Variants in COPG2 observed in about 807,000 individuals in gnomAD.
COPG2 encodes the protein coatomer subunit gamma-2.
In COPG2, 37 loss-of-function variants were observed where a neutral mutation model predicts 46.3. That is an observed-to-expected ratio of 0.80 (90% CI 0.61 to 1.05). The LOEUF is 1.05. COPG2 is among the 50% of genes least tolerant of loss of function. The pLI, the probability that COPG2 is intolerant of heterozygous loss-of-function variation, is 0.00. For missense variants in COPG2, 427 were observed against 387.8 expected, an observed-to-expected ratio of 1.10 and a Z score of -0.85; for synonymous variants, 159 against 129.7, an observed-to-expected ratio of 1.23 and a Z score of -1.53.
chr7:130,634,963 AT>A (rs1795306380), intron 5 of COPG2, among the ~76,000 whole-genome samples: 1 of 151,238 alleles, frequency 6.6e-6, no homozygotes, highest in Non-Finnish European at 1.5e-5. Flanking sequence ...ATCTATTGAG[AT>A]AATCATGTGG....
rs374515739 is a variant in COPG2, at chr7:130,507,709, G to C, written c.2362C>G (p.Leu788Val). ...DTFEKEETFA[L>V]SSTKTLEEAV... ...CCTTCAAGGGTTTTGGTAGAACTGA[G>C]GGCAAAGGTTTCCTCTTTCTCAAAG... is the stretch of plus-strand genomic sequence containing the variant. The change falls in exon 22 of 24, where the codon CTC becomes GTC. Residue 788 changes from leucine (L) to valine (V), a missense_variant. Physicochemically the swap from Leu to Val is conservative, Grantham distance 32. Coordinates refer to ENST00000425248, the MANE Select transcript of COPG2 (RefSeq NM_012133.6). 17 of 780,282 alleles carry C rather than the reference G, an allele frequency of 2.2e-5. No individual in the cohort carries two copies. The highest frequency in any genetic ancestry group is 3.8e-5 in the Non-Finnish European group (16 of 417,864). 48.3% of individuals were successfully genotyped at this position (780,282 alleles called of 1,614,324 possible).
chr7:130,600,162 A>G (rs569789621), intron 9 of COPG2, among the ~76,000 whole-genome samples: 9 of 152,328 alleles, frequency 5.9e-5, no homozygotes, highest in East Asian at 5.8e-4. Context: ...GCATATTTTG[A>G]AACTATATAT....
chr7:130,635,077 A>G (rs1795309004), intron 5 of COPG2, among the ~76,000 whole-genome samples: 1 of 149,842 alleles, frequency 6.7e-6, no homozygotes, highest in Admixed American at 6.7e-5. Context: ...ATCATACTAG[A>G]TAAGCTTTTT....
Position 130,507,592 on chromosome 7 carries a change from T to C in COPG2, c.2386+93A>G, listed in dbSNP as rs1010932898. On this transcript the variant is annotated intron_variant, in intron 22 of 23. Transcript: ENST00000425248. ...TAAGTAAGAGATTTATGAAGTTTTT[T>C]TTTTTTTAAAGGAGTTCTTCTGGAG... is the stretch of plus-strand genomic sequence containing the variant. 6.0e-6 allele frequency: 4 copies of C among 662,018 alleles called. No homozygotes were observed. The African/African-American group carries it at 7.3e-5, about 12-fold the overall frequency. 41.0% of individuals were successfully genotyped at this position (662,018 alleles called of 1,614,324 possible). A position where few individuals can be genotyped will look rare whatever the true frequency, so the allele number is the denominator to read the frequency against.
At chr7:130,529,903 G>C (rs982271568) in intron 20 of COPG2, among the ~76,000 whole-genome samples, 1 of 152,206 alleles carries the variant, frequency 6.6e-6, no homozygotes, top group African/African-American at 2.4e-5. Context: ...AAGGATGGAG[G>C]TATAGCTTGT....
intron 5 of COPG2, among the ~76,000 whole-genome samples, chr7:130,651,851 C>T (rs1183825350): frequency 6.6e-6 from 1 of 151,882 alleles, no homozygotes; most frequent in African/African-American, 2.4e-5. Context: ...AGGAGTTTCA[C>T]CATGTTGGCC....
intron 3 of COPG2, among the ~76,000 whole-genome samples, chr7:130,664,410 A>G (rs1187162716): frequency 1.3e-5 from 2 of 152,250 alleles, no homozygotes; most frequent in African/African-American, 4.8e-5. Context: ...TTTCTTTCAC[A>G]ACTATTTACT....
intron 5 of COPG2, among the ~76,000 whole-genome samples, chr7:130,620,977 T>C (rs782818385): frequency 6.6e-6 from 1 of 152,206 alleles, no homozygotes; most frequent in Non-Finnish European, 1.5e-5. Flanking sequence ...GCAGATGTGA[T>C]TAAGTTAAAG....
At chr7:130,547,631 T>G (rs1793466323) in intron 20 of COPG2, 43 bp downstream of exon 20, 3 of 398,428 alleles carry the variant, frequency 7.5e-6, no homozygotes, top group African/African-American at 6.2e-5. Flanking sequence ...CACAAGGAAA[T>G]GCATTCTGAA....
At chr7:130,634,297 C>A (rs879978056) in intron 5 of COPG2, among the ~76,000 whole-genome samples, 4 of 152,032 alleles carry the variant, frequency 2.6e-5, no homozygotes, top group Admixed American at 2.0e-4. Context: ...ACTGATTCTA[C>A]ACATTACTTT....
chr7:130,643,289 T>C (rs1169645518), intron 5 of COPG2, among the ~76,000 whole-genome samples: 1 of 149,114 alleles, frequency 6.7e-6, no homozygotes, highest in Admixed American at 6.6e-5. Context: ...AGCGAGACTG[T>C]GTCTCAAAAA....
intron 14 of COPG2, among the ~76,000 whole-genome samples, chr7:130,554,061 A>G (rs1793576813): frequency 6.6e-6 from 1 of 152,230 alleles, no homozygotes; most frequent in African/African-American, 2.4e-5. Flanking sequence ...TCCGAGGGGA[A>G]GGAAAGTATA....
At chr7:130,545,621 G>C (rs1221928423) in intron 20 of COPG2, among the ~76,000 whole-genome samples, 1 of 152,108 alleles carries the variant, frequency 6.6e-6, no homozygotes, top group Admixed American at 6.5e-5. Flanking sequence ...AAAGGAGTTT[G>C]TTTTTTAAGT....
intron 9 of COPG2, among the ~76,000 whole-genome samples, chr7:130,577,767 CAAAAAAAAAAAAAA>C (rs782674348): frequency 1.3e-5 from 1 of 78,148 alleles, no homozygotes; most frequent in Non-Finnish European, 2.2e-5. Context: ...GACTCCGTCT[CAAAAAAAAAAAAAA>C]AAAAAAACAA....
intron 5 of COPG2, among the ~76,000 whole-genome samples, chr7:130,640,137 C>T (rs1795435615): frequency 6.7e-6 from 1 of 149,322 alleles, no homozygotes; most frequent in Non-Finnish European, 1.5e-5. Flanking sequence ...CCCAGCTCTC[C>T]AGCTTGCAGT....
intron 17 of COPG2, among the ~76,000 whole-genome samples, chr7:130,549,984 A>G (rs1209598227): frequency 6.6e-6 from 1 of 152,212 alleles, no homozygotes; most frequent in Non-Finnish European, 1.5e-5. Context: ...AACTGACTTC[A>G]GATACTGTAA....
chr7:130,547,498 C>T (rs1793463414), intron 20 of COPG2, 176 bp downstream of exon 20: 2 of 395,184 alleles, frequency 5.1e-6, no homozygotes, highest in Admixed American at 8.8e-5. Context: ...ATTTCTGCAG[C>T]AGTAAACCAT....
chr7:130,656,335 T>C (rs1392899188), intron 4 of COPG2, among the ~76,000 whole-genome samples: 1 of 152,128 alleles, frequency 6.6e-6, no homozygotes, highest in Non-Finnish European at 1.5e-5. Context: ...ACAAGCTTCC[T>C]AGAAATAAAA....
At chr7:130,581,692 AT>A (rs1372585825) in intron 9 of COPG2, among the ~76,000 whole-genome samples, 4 of 132,796 alleles carry the variant, frequency 3.0e-5, no homozygotes, top group African/African-American at 1.1e-4. Context: ...AAGCATTCTT[AT>A]ACACCAACAA....
Sources: allele counts gnomAD v4.1 joint callset (sites outside exome capture counted in the v4.1 genomes callset), GRCh38; gene constraint gnomAD v4.1.1; transcripts MANE v1.5; gene names NCBI Gene and HGNC (gene_info 2026-07-23, HGNC 2026-07-21).